NFATC2: variants seen among roughly 807,000 people sequenced by gnomAD.
NFATC2 encodes nuclear factor of activated T cells 2, also known as nuclear factor of activated T-cells, cytoplasmic 2.
Under a neutral mutation model 87.3 loss-of-function variants are expected in NFATC2, and 22 were observed. The observed-to-expected ratio is 0.25, with a 90% CI of 0.18 to 0.36. NFATC2 has a LOEUF of 0.36. NFATC2 is among the 10% of genes least tolerant of loss of function. NFATC2 has a pLI of 1.00. For synonymous variants in NFATC2, 565 were observed against 542.2 expected, an observed-to-expected ratio of 1.04 and a Z score of -0.58; for missense variants, 1,149 against 1,259.1, an observed-to-expected ratio of 0.91 and a Z score of 1.32.
intron 3 of NFATC2, among the ~76,000 whole-genome samples, chr20:51,516,255 A>G (rs1232472209): frequency 6.6e-6 from 1 of 152,244 alleles, no homozygotes; most frequent in Non-Finnish European, 1.5e-5. Context: ...AGTACAATCT[A>G]CATGTTCACT....
chr20:51,393,988 G>A (rs1340901539), intron 10 of NFATC2, among the ~76,000 whole-genome samples: 1 of 148,140 alleles, frequency 6.8e-6, no homozygotes, highest in Non-Finnish European at 1.5e-5. Context: ...GATGGAAATG[G>A]TCCTGCTTTC....
At chr20:51,413,734 G>A (rs1408387982) in intron 9 of NFATC2, among the ~76,000 whole-genome samples, 1 of 152,152 alleles carries the variant, frequency 6.6e-6, no homozygotes, top group Non-Finnish European at 1.5e-5. Flanking sequence ...TCCAGCCTCG[G>A]TGACAGAGCA....
Position 51,466,139 on chromosome 20 carries a change from G to A in NFATC2, c.1708+7841C>T, listed in dbSNP as rs181949426. ...GGGATCTCGGCTCACTGCAACCTCC[G>A]CCTCCCGGGTTCAAGTGATTCTCCT... On this transcript the variant is annotated intron_variant, in intron 5 of 10. Transcript: ENST00000371564. Among the ~76,000 whole-genome samples the A allele has an allele frequency of 5.9e-3, 901 of 152,132 alleles. 5 individuals carry two copies. Among genetic ancestry groups the A allele is most frequent in the Non-Finnish European group, 7.6e-3 (520 of 67,982 alleles).
intron 1 of NFATC2, among the ~76,000 whole-genome samples, chr20:51,531,983 G>A (rs955137912): frequency 6.6e-6 from 1 of 152,152 alleles, no homozygotes; most frequent in Non-Finnish European, 1.5e-5. Context: ...GAGGTAAAAC[G>A]TGCTTCCAAC....
At chr20:51,392,897 C>T (rs536998874) in intron 10 of NFATC2, among the ~76,000 whole-genome samples, 212 of 152,226 alleles carry the variant, frequency 1.4e-3, no homozygotes, top group Non-Finnish European at 1.5e-3. Flanking sequence ...CTGAATGAAC[C>T]GGGTTTGATT....
At chr20:51,433,567 G>A (rs372861998) in intron 8 of NFATC2, among the ~76,000 whole-genome samples, 4 of 152,110 alleles carry the variant, frequency 2.6e-5, no homozygotes, top group Admixed American at 1.3e-4. Flanking sequence ...TTGTGTTGTC[G>A]CTGTGGCCAT....
chr20:51,476,959 A>G (rs1221805713), intron 3 of NFATC2, among the ~76,000 whole-genome samples: 1 of 152,206 alleles, frequency 6.6e-6, no homozygotes, highest in African/African-American at 2.4e-5. Flanking sequence ...GACTGGTATA[A>G]CTATTTTAAA....
chr20:51,414,694 GAA>G lies in NFATC2; in HGVS notation c.2723-15966_2723-15965del, dbSNP rs113845113. On this transcript the variant is annotated intron_variant, in intron 9 of 10. Coordinates refer to ENST00000371564, the MANE Select transcript of NFATC2 (RefSeq NM_012340.5). Reference sequence around the variant, plus strand: ...ACAAAACAAGACTCTGTTAAAAAAAGAAAAAAAAAAAGTCACAGGAGAGCAGG... The same window carrying G: ...ACAAAACAAGACTCTGTTAAAAAAAGAAAAAAAAAGTCACAGGAGAGCAGG... Among the ~76,000 whole-genome samples, 605 of 143,522 alleles carry G rather than the reference GAA, an allele frequency of 4.2e-3. 4 individuals are homozygous for G. Among genetic ancestry groups the G allele is most frequent in the African/African-American group, 0.014 (572 of 39,716 alleles). The allele number at this position is 143,522 out of a possible 152,430, so 94.2% of individuals were successfully genotyped here. A position where few individuals can be genotyped will look rare whatever the true frequency, so the allele number is the denominator to read the frequency against.
At chr20:51,430,423 G>C (rs561179743) in intron 9 of NFATC2, among the ~76,000 whole-genome samples, 45 of 152,322 alleles carry the variant, frequency 3.0e-4, no homozygotes, top group African/African-American at 9.6e-4. Flanking sequence ...AATGTAAATT[G>C]TTCAAGGATG....
chr20:51,490,512 G>C (rs1055605685), intron 3 of NFATC2, among the ~76,000 whole-genome samples: 6 of 152,174 alleles, frequency 3.9e-5, no homozygotes, highest in Admixed American at 6.5e-5. Context: ...GTTGGTTACT[G>C]AATCTCTCCA....
At chr20:51,517,081 C>T (rs1319809987) in intron 2 of NFATC2, 126 bp from the exon 3 acceptor site, 10 of 994,232 alleles carry the variant, frequency 1.0e-5, no homozygotes, top group East Asian at 5.3e-5. Context: ...AATGAGGATA[C>T]GTTCCGGGAA....
At chr20:51,426,231 C>A (rs1252842231) in intron 9 of NFATC2, among the ~76,000 whole-genome samples, 3 of 152,192 alleles carry the variant, frequency 2.0e-5, no homozygotes, top group African/African-American at 7.2e-5. Flanking sequence ...ATAATCCCAG[C>A]ACTTTGGGAG....
At chr20:51,544,912 C>A (rs1350365953), upstream of NFATC2, among the ~76,000 whole-genome samples, 1 of 152,210 alleles carries the variant, frequency 6.6e-6, no homozygotes, top group Non-Finnish European at 1.5e-5. Flanking sequence ...TGGGCAGCAC[C>A]TCCTGGTTGT....
chr20:51,480,883 A>G lies in NFATC2; in HGVS notation c.1333-5223T>C, dbSNP rs527312984. Among the ~76,000 whole-genome samples, 1 of 152,258 alleles carries G rather than the reference A, an allele frequency of 6.6e-6. No individual in the cohort carries two copies. The highest frequency in any genetic ancestry group is 2.1e-4 in the South Asian group (1 of 4,816). The stretch of plus-strand genomic sequence containing the variant: ...ACAGGGAGGTGATATTACAGAACTG[A>G]ATGGAAGGGTGAAGAATGAATGTGA... On this transcript the variant is annotated intron_variant, in intron 3 of 10. Coordinates refer to ENST00000371564, the MANE Select transcript of NFATC2 (RefSeq NM_012340.5). The surrounding 1 kb of genome is among the most constrained non-coding windows in gnomAD (Gnocchi z 4.2).
At chr20:51,457,883 G>A (rs562873467) in intron 5 of NFATC2, among the ~76,000 whole-genome samples, 49 of 95,544 alleles carry the variant, frequency 5.1e-4, no homozygotes, top group African/African-American at 1.9e-3. Flanking sequence ...GGCCCTCCTC[G>A]TCCTTTTTTT....
chr20:51,558,957 T>C (rs2146847832), intron 1 of NFATC2, among the ~76,000 whole-genome samples: 1 of 152,324 alleles, frequency 6.6e-6, no homozygotes, highest in East Asian at 1.9e-4. Flanking sequence ...ACCCGATCCC[T>C]GGCCTCAGGG....
intron 3 of NFATC2, among the ~76,000 whole-genome samples, chr20:51,503,213 T>C (rs778603154): frequency 6.6e-6 from 1 of 152,182 alleles, no homozygotes; most frequent in Non-Finnish European, 1.5e-5. Flanking sequence ...TATTAATACC[T>C]TTCAAATTGT....
chr20:51,458,739 G>A (rs551656117), intron 5 of NFATC2, among the ~76,000 whole-genome samples: 56 of 152,182 alleles, frequency 3.7e-4, no homozygotes, highest in African/African-American at 1.3e-3. Context: ...GCTTGAACCG[G>A]GGAGGCGGAG....
intron 1 of NFATC2, among the ~76,000 whole-genome samples, chr20:51,539,286 A>G (rs1201043103): frequency 6.6e-6 from 1 of 152,206 alleles, no homozygotes; most frequent in African/African-American, 2.4e-5. Flanking sequence ...ATAGAACTTT[A>G]CATGCGTCAC....
Sources: gnomAD v4.1 joint callset for allele counts (sites outside exome capture counted in the v4.1 genomes callset) on GRCh38, gnomAD v4.1.1 for gene constraint, Gnocchi (gnomAD v3.1) non-coding constraint, MANE v1.5 for transcripts, NCBI Gene and HGNC (gene_info 2026-07-23, HGNC 2026-07-21) for gene names.